CSMD1: variants seen among roughly 807,000 people sequenced by gnomAD.
The protein encoded by CSMD1 is CUB and Sushi multiple domains 1, also known as CUB and sushi domain-containing protein 1.
A neutral mutation model predicts 417.5 loss-of-function variants in CSMD1; 213 were observed. The ratio of observed to expected loss-of-function variants is 0.51; its 90% CI spans 0.46 to 0.57. CSMD1 has a LOEUF of 0.57. CSMD1 is among the 20% of genes least tolerant of loss of function. The pLI, the probability that CSMD1 is intolerant of heterozygous loss-of-function variation, is 0.00. For missense variants in CSMD1, 6,923 were observed against 4,529.7 expected (o/e 1.53, Z -15.17); for synonymous variants, 2,862 against 1,736.8 (o/e 1.65, Z -16.11).
intron 1 of CSMD1, among the ~76,000 whole-genome samples, chr8:4,907,738 T>TC (rs953824823): frequency 6.6e-6 from 1 of 150,408 alleles, no homozygotes; most frequent in African/African-American, 2.5e-5. Context: ...TTTTTTTTTT[T>TC]CATTTTTTGT....
In CSMD1 at chr8:3,899,106, A is replaced by G. The variant is rs539530864; in HGVS notation, c.818+98797T>C. 7.9e-5 allele frequency among the ~76,000 whole-genome samples: 12 copies of G among 152,346 alleles called. No homozygotes were observed. The East Asian group carries it at 1.4e-3, about 17-fold the overall frequency. On this transcript the variant is annotated intron_variant, in intron 5 of 69. Coordinates refer to ENST00000635120, the MANE Select transcript of CSMD1 (RefSeq NM_033225.6). The stretch of plus-strand genomic sequence containing the variant: ...AAGGGTTCATCTCTAGTTTTAATGC[A>G]TAAGTACTGACTGGCGCCATGTTAG...
chr8:4,213,301 C>T (rs1026415358), intron 3 of CSMD1, among the ~76,000 whole-genome samples: 13 of 152,150 alleles, frequency 8.5e-5, no homozygotes, highest in African/African-American at 2.9e-4. Context: ...GCTCTGCTCA[C>T]ACCACACCTC....
chr8:4,045,813 C>T (rs1798119470), intron 3 of CSMD1, among the ~76,000 whole-genome samples: 1 of 152,142 alleles, frequency 6.6e-6, no homozygotes, highest in South Asian at 2.1e-4. Flanking sequence ...GACATGGCTT[C>T]TCAGCATCTT....
At chr8:3,965,244 C>G (rs752129195) in intron 5 of CSMD1, among the ~76,000 whole-genome samples, 2 of 152,152 alleles carry the variant, frequency 1.3e-5, no homozygotes, top group African/African-American at 2.4e-5. Flanking sequence ...CAAATGCTTT[C>G]CACTCAGCCT....
chr8:3,482,700 G>C (rs529550537), intron 11 of CSMD1, among the ~76,000 whole-genome samples: 1 of 152,140 alleles, frequency 6.6e-6, no homozygotes, highest in African/African-American at 2.4e-5. Flanking sequence ...CCTATGAAAA[G>C]CTGACAAAAG....
At chr8:4,970,749 T>C (rs1313097464) in intron 1 of CSMD1, among the ~76,000 whole-genome samples, 4 of 152,124 alleles carry the variant, frequency 2.6e-5, no homozygotes. Context: ...GCCGTGGTTC[T>C]TTTTTTGACA....
chr8:4,453,011 G>C (rs1474277120), intron 2 of CSMD1, among the ~76,000 whole-genome samples: 1 of 152,156 alleles, frequency 6.6e-6, no homozygotes, highest in Non-Finnish European at 1.5e-5. Flanking sequence ...GTCCTCTGAA[G>C]AATACAATTT....
At chr8:4,517,207 TATC>T in intron 2 of CSMD1, among the ~76,000 whole-genome samples, 1 of 152,236 alleles carries the variant, frequency 6.6e-6, no homozygotes, top group Non-Finnish European at 1.5e-5. Flanking sequence ...GACATAATGA[TATC>T]ATATTACAAT....
chr8:4,455,522 C>T (rs1052725805), intron 2 of CSMD1, among the ~76,000 whole-genome samples: 4 of 152,126 alleles, frequency 2.6e-5, no homozygotes, highest in African/African-American at 9.7e-5. Flanking sequence ...GCAGCTGGAC[C>T]AGAAACACAT....
At chr8:3,009,962 C>CT (rs778825602) in intron 52 of CSMD1, among the ~76,000 whole-genome samples, 56 of 152,176 alleles carry the variant, frequency 3.7e-4, no homozygotes, top group Non-Finnish European at 6.2e-4. Context: ...TTTCAGCATT[C>CT]TTTTTATCTA....
intron 46 of CSMD1, among the ~76,000 whole-genome samples, chr8:3,101,307 C>T (rs1815722475): frequency 6.6e-6 from 1 of 152,208 alleles, no homozygotes; most frequent in South Asian, 2.1e-4. Context: ...TAATTCTCTT[C>T]ACTTTTTGAA....
At chr8:3,165,232 A>AT (rs552581973) in intron 37 of CSMD1, among the ~76,000 whole-genome samples, 2 of 151,918 alleles carry the variant, frequency 1.3e-5, no homozygotes, top group Non-Finnish European at 2.9e-5. Flanking sequence ...GTGTAAGAAT[A>AT]TTTTTTATCA....
intron 3 of CSMD1, among the ~76,000 whole-genome samples, chr8:4,403,071 T>C (rs1338206343): frequency 6.6e-6 from 1 of 151,940 alleles, no homozygotes; most frequent in Non-Finnish European, 1.5e-5. Context: ...GACCTCGTGA[T>C]CCGCTCGCCT....
intron 4 of CSMD1, among the ~76,000 whole-genome samples, chr8:4,010,438 G>A (rs1816456354): frequency 6.6e-6 from 1 of 152,082 alleles, no homozygotes; most frequent in Non-Finnish European, 1.5e-5. Context: ...TGTCAACACA[G>A]GTAATCCTGG....
In CSMD1 at chr8:3,335,857, G is replaced by A. The variant is rs1170529964; in HGVS notation, c.3631+7437C>T. ...TGCCAGGGTGGAGACTGGGCTCAGA[G>A]AGGTGAATTCATGGATGGAAGTTCA... On this transcript the variant is annotated intron_variant, in intron 23 of 69. Coordinates refer to ENST00000635120, the MANE Select transcript of CSMD1 (RefSeq NM_033225.6). Among the ~76,000 whole-genome samples the A allele has an allele frequency of 2.0e-5, 3 of 152,146 alleles. No individual in the cohort carries two copies. The South Asian group carries it at 6.2e-4, about 32-fold the overall frequency.
At chr8:3,699,051 A>G (rs1176352356) in intron 7 of CSMD1, among the ~76,000 whole-genome samples, 1 of 152,170 alleles carries the variant, frequency 6.6e-6, no homozygotes, top group Admixed American at 6.5e-5. Context: ...CTAGCGAAGC[A>G]CTCTGCAGAA....
At chr8:3,525,357 G>A (rs1384704873) in intron 10 of CSMD1, among the ~76,000 whole-genome samples, 2 of 152,150 alleles carry the variant, frequency 1.3e-5, no homozygotes, top group African/African-American at 4.8e-5. Flanking sequence ...CTGGGAGGCA[G>A]GATAAGGATC....
chr8:4,096,471 G>A (rs1018855534), intron 3 of CSMD1, among the ~76,000 whole-genome samples: 5 of 152,244 alleles, frequency 3.3e-5, no homozygotes, highest in Admixed American at 6.5e-5. Flanking sequence ...AAGAATCTTT[G>A]AGGCAATCCC....
rs191742564 is a variant in CSMD1 at position 4,373,509 on chromosome 8, A to G, written c.415+46444T>C. ...TCCTAAAAAAGTTTATTTAGCAAAA[A>G]ACTTTCAGAACTACTGCATTATTCC... On this transcript the variant is annotated intron_variant, in intron 3 of 69. Coordinates refer to ENST00000635120, the MANE Select transcript of CSMD1 (RefSeq NM_033225.6). Among the ~76,000 whole-genome samples the G allele has an allele frequency of 9.2e-5, 14 of 152,292 alleles. 1 individual carries two copies. Among genetic ancestry groups the G allele is most frequent in the African/African-American group, 3.4e-4 (14 of 41,562 alleles).
Sources: gnomAD v4.1 joint callset for allele counts (sites outside exome capture counted in the v4.1 genomes callset) on GRCh38, gnomAD v4.1.1 for gene constraint, MANE v1.5 for transcripts, NCBI Gene and HGNC (gene_info 2026-07-23, HGNC 2026-07-21) for gene names.